AVEN: variants seen among roughly 807,000 people sequenced by gnomAD.
The protein encoded by AVEN is cell death regulator Aven.
In AVEN, 41 loss-of-function variants were observed where a neutral mutation model predicts 38.1. That is an observed-to-expected ratio of 1.08 (90% CI 0.84 to 1.40). AVEN has a LOEUF of 1.40. Ranked by LOEUF, AVEN falls within the 40% of genes most tolerant of loss-of-function variation. The probability of loss-of-function intolerance (pLI) is 0.00; values close to 1 mark genes in which losing one functional copy is unlikely to be tolerated. For missense variants in AVEN, 605 were observed against 438.8 expected (o/e 1.38, Z -3.38); for synonymous variants, 206 against 171.8 (o/e 1.20, Z -1.56).
intron 2 of AVEN, among the ~76,000 whole-genome samples, chr15:33,953,166 G>A (rs1489718709): frequency 6.6e-6 from 1 of 152,126 alleles, no homozygotes; most frequent in African/African-American, 2.4e-5. Flanking sequence ...AACATTCCAT[G>A]CTCATGGATA....
intron 2 of AVEN, among the ~76,000 whole-genome samples, chr15:33,990,486 G>A (rs1896674485): frequency 6.6e-6 from 1 of 152,148 alleles, no homozygotes; most frequent in South Asian, 2.1e-4. Flanking sequence ...ATAACCAGAA[G>A]AGTATCTGGA....
At chr15:33,987,832 G>T (rs189085200) in intron 2 of AVEN, among the ~76,000 whole-genome samples, 78 of 152,286 alleles carry the variant, frequency 5.1e-4, no homozygotes, top group African/African-American at 1.6e-3. Context: ...CAAGATGAGT[G>T]GGATCACACC....
chr15:33,981,369 T>A (rs1339143226), intron 2 of AVEN, among the ~76,000 whole-genome samples: 2 of 152,184 alleles, frequency 1.3e-5, no homozygotes, highest in Non-Finnish European at 2.9e-5. Flanking sequence ...TCAGTTTAAA[T>A]GAAACAAGTA....
chr15:33,927,055 C>T (rs950737949), intron 2 of AVEN, among the ~76,000 whole-genome samples: 3 of 152,038 alleles, frequency 2.0e-5, no homozygotes, highest in Non-Finnish European at 4.4e-5. Flanking sequence ...GAGATTGAGA[C>T]CATCCTGGCT....
intron 2 of AVEN, among the ~76,000 whole-genome samples, chr15:33,926,991 T>C (rs781397715): frequency 1.3e-5 from 2 of 151,884 alleles, no homozygotes; most frequent in Non-Finnish European, 2.9e-5. Context: ...AAGAAAATAA[T>C]AGCCTGTAAT....
Position 33,871,043 on chromosome 15 carries a change from A to G in AVEN, c.517-13T>C. On this transcript the variant is annotated splice_polypyrimidine_tract_variant and intron_variant, in intron 3 of 5. Transcript: ENST00000306730. ...AAAATGCTGAATTCTATATATATATATAAAAGAAAATAAAATATCAGGTGA... is the reference window on the plus strand; with the variant it reads ...AAAATGCTGAATTCTATATATATATGTAAAAGAAAATAAAATATCAGGTGA... The G allele has an allele frequency of 5.9e-6, 8 of 1,355,758 alleles. No homozygotes were observed. The highest frequency in any genetic ancestry group is 7.8e-6 in the Non-Finnish European group (8 of 1,030,652). The allele number at this position is 1,355,758 out of a possible 1,614,324, so 84.0% of individuals were successfully genotyped here.
At chr15:33,994,627 C>A (rs1896860195) in intron 2 of AVEN, among the ~76,000 whole-genome samples, 1 of 152,118 alleles carries the variant, frequency 6.6e-6, no homozygotes, top group East Asian at 1.9e-4. Flanking sequence ...TCAGTTTTAT[C>A]AGAAAATGGC....
intron 2 of AVEN, among the ~76,000 whole-genome samples, chr15:33,956,471 T>C (rs1894957999): frequency 6.6e-6 from 1 of 152,236 alleles, no homozygotes; most frequent in Admixed American, 6.5e-5. Context: ...TAAGAGCCAT[T>C]TGCATTTCAT....
chr15:34,063,692 C>T lies in AVEN; in HGVS notation n.1127-260G>A, dbSNP rs905170400. ...CTGACCCTGTCCTCCAAGTGGTCTA[C>T]AAGAGTCAGGGTAAGGAAAGCCCAG... On this transcript the variant is annotated intron_variant and non_coding_transcript_variant, in intron 4 of 11. Coordinates refer to the AVEN transcript ENST00000675287. The surrounding 1 kb of genome is among the most constrained non-coding windows in gnomAD (Gnocchi z 4.1). 4.3e-6 allele frequency: 7 copies of T among 1,614,050 alleles called. No individual in the cohort carries two copies. The highest frequency in any genetic ancestry group is 4.0e-5 in the African/African-American group (3 of 74,912).
intron 2 of AVEN, among the ~76,000 whole-genome samples, chr15:33,877,537 G>A (rs1165111756): frequency 3.9e-5 from 6 of 152,228 alleles, no homozygotes; most frequent in Non-Finnish European, 8.8e-5. Context: ...AAAGGGGGCC[G>A]GGCGCGGTGG....
At chr15:33,961,667 G>A (rs978004460) in intron 2 of AVEN, among the ~76,000 whole-genome samples, 5 of 151,580 alleles carry the variant, frequency 3.3e-5, no homozygotes, top group African/African-American at 4.9e-5. Flanking sequence ...CAAAAAATTA[G>A]CCGGGCGTGG....
At chr15:33,894,424 T>C (rs955140074) in intron 2 of AVEN, among the ~76,000 whole-genome samples, 1 of 150,788 alleles carries the variant, frequency 6.6e-6, no homozygotes, top group Non-Finnish European at 1.5e-5. Flanking sequence ...TAAATGAAAC[T>C]GAAACCACTG....
chr15:33,883,735 T>C (rs1199489760), intron 2 of AVEN: 1 of 152,204 alleles, frequency 6.6e-6, no homozygotes, highest in African/African-American at 2.4e-5. Flanking sequence ...AGTTGAATCA[T>C]CCTTTGTAAA....
At chr15:33,983,211 T>TAC (rs1555512813) in intron 2 of AVEN, among the ~76,000 whole-genome samples, 220 of 14,508 alleles carry the variant, frequency 0.015, 1 homozygote, top group East Asian at 0.039. Context: ...TATATATATA[T>TAC]ATACATATAT....
At chr15:33,979,701 G>A (rs1327725747) in intron 2 of AVEN, among the ~76,000 whole-genome samples, 1 of 152,110 alleles carries the variant, frequency 6.6e-6, no homozygotes, top group Non-Finnish European at 1.5e-5. Context: ...TGAGAAAAAA[G>A]ACACCAATGG....
At chr15:34,023,199 G>A (rs1289153872) in intron 1 of AVEN, among the ~76,000 whole-genome samples, 1 of 151,884 alleles carries the variant, frequency 6.6e-6, no homozygotes, top group Non-Finnish European at 1.5e-5. Flanking sequence ...AAAAGGAAAA[G>A]AACAATGAGA....
chr15:34,071,647 C>T (rs1864983642), intron 1 of AVEN, among the ~76,000 whole-genome samples: 1 of 152,162 alleles, frequency 6.6e-6, no homozygotes, highest in Admixed American at 6.5e-5. Context: ...CAATCAAAAT[C>T]CATAAAGCTA....
At chr15:33,989,254 C>A (rs1896614327) in intron 2 of AVEN, among the ~76,000 whole-genome samples, 2 of 152,054 alleles carry the variant, frequency 1.3e-5, no homozygotes, top group Non-Finnish European at 2.9e-5. Flanking sequence ...ATGACAGCCC[C>A]GTGTTAATGA....
intron 2 of AVEN, chr15:33,883,802 G>A (rs1361289501): frequency 1.3e-5 from 2 of 152,132 alleles, no homozygotes; most frequent in Non-Finnish European, 1.5e-5. Context: ...TAGAGAAAAA[G>A]CTCAATTTTC....
Sources: gnomAD v4.1 joint callset for allele counts (sites outside exome capture counted in the v4.1 genomes callset) on GRCh38, gnomAD v4.1.1 for gene constraint, Gnocchi (gnomAD v3.1) non-coding constraint, MANE v1.5 for transcripts, NCBI Gene and HGNC (gene_info 2026-07-23, HGNC 2026-07-21) for gene names.